The following WWOX variants were observed in gnomAD, a reference collection of about 807,000 sequenced individuals.
WWOX encodes WW domain-containing oxidoreductase.
Under a neutral mutation model 46.2 loss-of-function variants are expected in WWOX, and 69 were observed. The ratio of observed to expected loss-of-function variants is 1.49; its 90% confidence interval spans 1.23 to 1.82. The LOEUF is 1.82. Among genes scored for constraint, WWOX ranks in the 40% most tolerant of loss-of-function variants. The pLI, the probability that WWOX is intolerant of heterozygous loss-of-function variation, is 0.00. For missense variants in WWOX, 919 were observed against 542.6 expected, an observed-to-expected ratio of 1.69 and a Z score of -6.89; for synonymous variants, 359 against 202.6, an observed-to-expected ratio of 1.77 and a Z score of -6.56.
At chr16:78,325,488 T>G (rs2080590129) in intron 5 of WWOX, among the ~76,000 whole-genome samples, 1 of 152,172 alleles carries the variant, frequency 6.6e-6, no homozygotes, top group African/African-American at 2.4e-5. Flanking sequence ...AAGAAGTGAA[T>G]TATTAGAATG....
chr16:78,261,263 G>GTAAA (rs1344220420), intron 5 of WWOX, among the ~76,000 whole-genome samples: 5 of 148,010 alleles, frequency 3.4e-5, no homozygotes. Flanking sequence ...GTGTGGTAAG[G>GTAAA]TAGATAGATA....
At chr16:78,490,977 C>A in intron 8 of WWOX, among the ~76,000 whole-genome samples, 1 of 152,180 alleles carries the variant, frequency 6.6e-6, no homozygotes, top group Non-Finnish European at 1.5e-5. Flanking sequence ...CCCTGAGCTG[C>A]CCCCGAGTGA....
intron 8 of WWOX, among the ~76,000 whole-genome samples, chr16:78,740,844 C>G (rs975794329): frequency 1.2e-4 from 19 of 152,124 alleles, no homozygotes; most frequent in African/African-American, 4.3e-4. Flanking sequence ...TCTTATAACT[C>G]CTATGATAAA....
At chr16:78,722,063 A>G (rs2142355259) in intron 8 of WWOX, among the ~76,000 whole-genome samples, 1 of 152,330 alleles carries the variant, frequency 6.6e-6, no homozygotes, top group East Asian at 1.9e-4. Flanking sequence ...TCAAGAAGCT[A>G]AGACTTTGTA....
chr16:78,479,728 G>C (rs181260344), intron 8 of WWOX, among the ~76,000 whole-genome samples: 1 of 152,286 alleles, frequency 6.6e-6, no homozygotes, highest in East Asian at 1.9e-4. Context: ...ACGAAATATA[G>C]TGACAGCCTC....
chr16:78,543,187 C>T (rs1313825132), intron 8 of WWOX, among the ~76,000 whole-genome samples: 3 of 152,298 alleles, frequency 2.0e-5, no homozygotes, highest in East Asian at 3.9e-4. Flanking sequence ...CTACATCTGG[C>T]ACAGATGGCC....
intron 8 of WWOX, among the ~76,000 whole-genome samples, chr16:79,199,604 G>A (rs915355805): frequency 6.6e-6 from 1 of 152,190 alleles, no homozygotes; most frequent in East Asian, 1.9e-4. Flanking sequence ...TCTTGCAAGA[G>A]TTCAGCTAAA....
intron 8 of WWOX, among the ~76,000 whole-genome samples, chr16:79,112,785 G>C (rs145827551): frequency 2.0e-5 from 3 of 152,070 alleles, no homozygotes; most frequent in Non-Finnish European, 2.9e-5. Flanking sequence ...TAGTTTCGCC[G>C]CCTCGTTTTA....
At chr16:78,647,281 A>G (rs958236537) in intron 8 of WWOX, among the ~76,000 whole-genome samples, 2 of 152,158 alleles carry the variant, frequency 1.3e-5, no homozygotes, top group African/African-American at 4.8e-5. Flanking sequence ...AATGCTTTAC[A>G]GGAAGGGGAG....
At chr16:78,801,771 G>T (rs572467964) in intron 8 of WWOX, among the ~76,000 whole-genome samples, 3 of 152,154 alleles carry the variant, frequency 2.0e-5, no homozygotes, top group Admixed American at 2.0e-4. Flanking sequence ...TGACATTTCA[G>T]TTTCAGACAA....
intron 5 of WWOX, among the ~76,000 whole-genome samples, chr16:78,321,947 C>T (rs923497954): frequency 2.6e-5 from 4 of 152,142 alleles, no homozygotes; most frequent in African/African-American, 4.8e-5. Context: ...TGTTTAACAC[C>T]TGCATAAGTG....
At chr16:78,365,224 C>T (rs1017272968) in intron 5 of WWOX, among the ~76,000 whole-genome samples, 2 of 152,180 alleles carry the variant, frequency 1.3e-5, no homozygotes, top group African/African-American at 2.4e-5. Context: ...ACTGGTGGGT[C>T]TGTGTCACCT....
rs112061877 is a variant in WWOX at position 78,318,664 on chromosome 16, T to C, written c.517-68196T>C. The stretch of plus-strand genomic sequence containing the variant: ...GGCTTGCTGTGGGGAGTAAGTGGGA[T>C]AATAAATGTTAAGTGCTTTTAGCTG... On this transcript the variant is annotated intron_variant, in intron 5 of 8. Coordinates refer to ENST00000566780, the MANE Select transcript of WWOX (RefSeq NM_016373.4). Among the ~76,000 whole-genome samples the C allele has an allele frequency of 7.6e-3, 1,153 of 152,294 alleles. 17 individuals carry two copies. The highest frequency in any genetic ancestry group is 0.027 in the African/African-American group (1,103 of 41,558).
intron 8 of WWOX, among the ~76,000 whole-genome samples, chr16:78,610,590 T>G (rs1283754588): frequency 6.6e-6 from 1 of 152,216 alleles, no homozygotes; most frequent in Admixed American, 6.5e-5. Context: ...ATTTATTGAC[T>G]AGTCTCTCTG....
intron 8 of WWOX, among the ~76,000 whole-genome samples, chr16:78,492,625 G>A (rs2084811434): frequency 2.6e-5 from 4 of 152,198 alleles, no homozygotes; most frequent in Admixed American, 2.6e-4. Flanking sequence ...TTTCAAAGAA[G>A]ACTGAATTTA....
At chr16:78,260,405 C>G (rs1294036438) in intron 5 of WWOX, among the ~76,000 whole-genome samples, 1 of 151,720 alleles carries the variant, frequency 6.6e-6, no homozygotes, top group Non-Finnish European at 1.5e-5. Flanking sequence ...AGGCTCAGGC[C>G]TGTAATCCCA....
At chr16:78,105,629 C>A (rs1002619397) in intron 1 of WWOX, among the ~76,000 whole-genome samples, 1 of 152,078 alleles carries the variant, frequency 6.6e-6, no homozygotes, top group East Asian at 1.9e-4. Flanking sequence ...TTTTGTAGTT[C>A]CTTTGGAAAG....
intron 8 of WWOX, among the ~76,000 whole-genome samples, chr16:78,741,376 C>G (rs570885984): frequency 1.5e-4 from 23 of 152,070 alleles, no homozygotes; most frequent in African/African-American, 5.3e-4. Context: ...GCCGGGCCAA[C>G]CTGGTGAGAT....
At chr16:78,991,331 C>G (rs184939365) in intron 8 of WWOX, among the ~76,000 whole-genome samples, 104 of 152,220 alleles carry the variant, frequency 6.8e-4, no homozygotes, top group African/African-American at 2.5e-3. Context: ...CAGTGGCTCA[C>G]GCCTGTAATT....
Sources: allele counts gnomAD v4.1 joint callset (sites outside exome capture counted in the v4.1 genomes callset), GRCh38; gene constraint gnomAD v4.1.1; transcripts MANE v1.5; gene names NCBI Gene and HGNC (gene_info 2026-07-23, HGNC 2026-07-21).